The following MED13L variants were observed in gnomAD, a reference collection of about 807,000 sequenced individuals.
MED13L encodes mediator complex subunit 13L.
MED13L carries 7 observed loss-of-function variants against 220.9 expected under a neutral mutation model. That is an observed-to-expected ratio of 0.03 (90% CI 0.02 to 0.06). The LOEUF is 0.06. Among genes scored for constraint, MED13L ranks in the 10% least tolerant of loss-of-function variants. The probability of loss-of-function intolerance (pLI) is 1.00; values close to 1 mark genes in which losing one functional copy is unlikely to be tolerated. For synonymous variants in MED13L, 1,011 were observed against 1,015.2 expected (o/e 1.00, Z 0.08); for missense variants, 1,965 against 2,760.5 (o/e 0.71, Z 6.46).
At chr12:116,113,488 T>TTA (rs36006204) in intron 2 of MED13L, among the ~76,000 whole-genome samples, 12,866 of 145,190 alleles carry the variant, frequency 0.089, 677 homozygotes, top group East Asian at 0.21. Flanking sequence ...AAAAAAAAAA[T>TTA]TATATATATA....
At chr12:116,047,017 G>A (rs1034242200) in intron 4 of MED13L, among the ~76,000 whole-genome samples, 2 of 152,182 alleles carry the variant, frequency 1.3e-5, no homozygotes, top group Middle Eastern at 3.4e-3. Context: ...TTACTTGATA[G>A]CCAAGTAGGC....
intron 4 of MED13L, among the ~76,000 whole-genome samples, chr12:116,094,229 G>A (rs1001422335): frequency 2.0e-5 from 3 of 152,146 alleles, no homozygotes; most frequent in African/African-American, 7.2e-5. Context: ...TTTTATTAAA[G>A]CAAACGCCAA....
chr12:116,150,492 G>A (rs1008791328), intron 2 of MED13L, among the ~76,000 whole-genome samples: 1 of 152,136 alleles, frequency 6.6e-6, no homozygotes, highest in African/African-American at 2.4e-5. Context: ...CTCCAGGCTG[G>A]CATTCTAAAC....
intron 4 of MED13L, among the ~76,000 whole-genome samples, chr12:116,082,118 G>A (rs1488541444): frequency 6.6e-6 from 1 of 152,162 alleles, no homozygotes; most frequent in African/African-American, 2.4e-5. Context: ...TCCAATGACA[G>A]ACTATGCCAG....
rs1167243986 is a variant in MED13L, at chr12:115,968,993, A to G, written c.6172T>C (p.Ser2058Pro). Reference protein sequence around the residue: ...HSSPNSSPVPSPGSPSGIGVG... With the variant: ...HSSPNSSPVPPPGSPSGIGVG... ...CCAATTCCAGAAGGAGAGCCTGGGG[A>G]GGGTACTGGGGAAGAGTTGGGAGAG... Residue 2058 changes from serine to proline, a missense_variant, in exon 28 of 31, where the codon TCC becomes CCC. Physicochemically the swap from Ser to Pro is moderately conservative, Grantham distance 74. Coordinates refer to ENST00000281928, the MANE Select transcript of MED13L (RefSeq NM_015335.5). 6.2e-7 allele frequency: 1 copy of G among 1,614,084 alleles called. No individual in the cohort carries two copies. The highest frequency in any genetic ancestry group is 2.2e-5 in the East Asian group (1 of 44,874).
intron 27 of MED13L, among the ~76,000 whole-genome samples, chr12:115,969,579 CTT>C (rs35927318): frequency 4.2e-5 from 6 of 143,442 alleles, no homozygotes; most frequent in Admixed American, 6.9e-5. Flanking sequence ...TGTTTTCTCT[CTT>C]TTTTTTTTTT....
At chr12:116,271,039 T>TAAA (rs1873272874) in intron 1 of MED13L, among the ~76,000 whole-genome samples, 1 of 29,196 alleles carries the variant, frequency 3.4e-5, no homozygotes, top group East Asian at 2.3e-3. Context: ...AGACTCCGTC[T>TAAA]CAAAAAAAAA....
At chr12:116,062,205 T>G (rs1379095656) in intron 4 of MED13L, among the ~76,000 whole-genome samples, 2 of 151,886 alleles carry the variant, frequency 1.3e-5, no homozygotes, top group Admixed American at 6.6e-5. Flanking sequence ...CAGGCTGGAG[T>G]GCAGTGGAGC....
intron 23 of MED13L, 54 bp from the exon 24 acceptor site, chr12:115,975,792 A>G: frequency 6.4e-7 from 1 of 1,553,776 alleles, no homozygotes. Context: ...CTTAATGATT[A>G]CAACAAAATC....
At chr12:116,237,394 A>T in intron 2 of MED13L, 74 bp downstream of exon 2, 1 of 1,182,790 alleles carries the variant, frequency 8.5e-7, no homozygotes, top group Non-Finnish European at 1.3e-6. Flanking sequence ...AAGTCTTAAT[A>T]ATCTGTTTGA....
intron 2 of MED13L, among the ~76,000 whole-genome samples, chr12:116,216,943 C>T (rs1883034883): frequency 2.0e-5 from 3 of 152,262 alleles, no homozygotes; most frequent in Middle Eastern, 3.4e-3. Flanking sequence ...TTATTAAGGA[C>T]AGAAAACTTA....
chr12:116,129,830 A>C (rs1003136040), intron 2 of MED13L, among the ~76,000 whole-genome samples: 2 of 152,038 alleles, frequency 1.3e-5, no homozygotes, highest in Non-Finnish European at 2.9e-5. Context: ...AATCACTTGA[A>C]ACAGGGAGGT....
At chr12:116,058,779 T>C (rs1164801606) in intron 4 of MED13L, among the ~76,000 whole-genome samples, 2 of 152,186 alleles carry the variant, frequency 1.3e-5, no homozygotes, top group Non-Finnish European at 2.9e-5. Flanking sequence ...TTTATGGACT[T>C]CTATATTTAG....
At chr12:115,974,988 G>A (rs1237600815) in intron 25 of MED13L, among the ~76,000 whole-genome samples, 183 bp downstream of exon 25, 1 of 151,992 alleles carries the variant, frequency 6.6e-6, no homozygotes, top group Non-Finnish European at 1.5e-5. Context: ...ATTTTATTTG[G>A]ATATTTATTT....
intron 4 of MED13L, among the ~76,000 whole-genome samples, chr12:116,092,023 A>T (rs1226927275): frequency 6.6e-6 from 1 of 152,236 alleles, no homozygotes; most frequent in East Asian, 1.9e-4. Context: ...AGACTCTCAG[A>T]AAATGAGTAA....
chr12:116,144,151 A>C (rs568788786), intron 2 of MED13L, among the ~76,000 whole-genome samples: 1 of 152,186 alleles, frequency 6.6e-6, no homozygotes, highest in Non-Finnish European at 1.5e-5. Context: ...AGCTTAACTC[A>C]CAGCCCTGAA....
At chr12:116,068,949 G>A (rs982926267) in intron 4 of MED13L, among the ~76,000 whole-genome samples, 2 of 152,078 alleles carry the variant, frequency 1.3e-5, no homozygotes, top group African/African-American at 2.4e-5. Context: ...AAGAGTCAGC[G>A]TAGTCAAGAG....
At chr12:116,035,195 T>C (rs967589812) in intron 4 of MED13L, among the ~76,000 whole-genome samples, 4 of 151,874 alleles carry the variant, frequency 2.6e-5, no homozygotes, top group East Asian at 1.9e-4. Flanking sequence ...GGAACAAAAA[T>C]ATACAAGCGT....
intron 1 of MED13L, among the ~76,000 whole-genome samples, chr12:116,272,422 G>C (rs543168077): frequency 6.6e-6 from 1 of 152,062 alleles, no homozygotes; most frequent in African/African-American, 2.4e-5. Flanking sequence ...AATTAGACAG[G>C]CATGGTGGCA....
Sources: gnomAD v4.1 joint callset for allele counts (sites outside exome capture counted in the v4.1 genomes callset) on GRCh38, gnomAD v4.1.1 for gene constraint, MANE v1.5 for transcripts, NCBI Gene and HGNC (gene_info 2026-07-23, HGNC 2026-07-21) for gene names.